NLRP11: variants seen among roughly 807,000 people sequenced by gnomAD.
NLRP11 encodes NLR family pyrin domain containing 11, also known as NACHT, LRR and PYD domains-containing protein 11.
Under a neutral mutation model 79.3 loss-of-function variants are expected in NLRP11, and 53 were observed. The ratio of observed to expected loss-of-function variants is 0.67; its 90% CI spans 0.54 to 0.84. The LOEUF is 0.84. Ranked by LOEUF, NLRP11 falls within the 40% of genes least tolerant of loss-of-function variation. The probability of loss-of-function intolerance (pLI) is 0.00; values close to 1 mark genes in which losing one functional copy is unlikely to be tolerated. For synonymous variants in NLRP11, 518 were observed against 462.6 expected, an observed-to-expected ratio of 1.12 and a Z score of -1.54; for missense variants, 1,264 against 1,255.0, an observed-to-expected ratio of 1.01 and a Z score of -0.11.
chr19:55,811,341 G>A (rs1199169559), intron 2 of NLRP11, among the ~76,000 whole-genome samples: 1 of 152,222 alleles, frequency 6.6e-6, no homozygotes, highest in Non-Finnish European at 1.5e-5. Flanking sequence ...TGAATTCCTA[G>A]AGGGGGATGA....
intron 3 of NLRP11, 66 bp downstream of exon 3, chr19:55,808,703 C>T: frequency 1.4e-6 from 2 of 1,459,670 alleles, no homozygotes; most frequent in Non-Finnish European, 1.8e-6. Flanking sequence ...TTCTGGTCAA[C>T]AAGCTCTAGA....
chr19:55,823,577 TG>T (rs1390993357), intron 1 of NLRP11, among the ~76,000 whole-genome samples: 14 of 143,222 alleles, frequency 9.8e-5, no homozygotes, highest in African/African-American at 3.8e-4. Context: ...AAGGAGCTGA[TG>T]GAGCTGAAAA....
At chr19:55,818,932 T>C (rs1981403128) in intron 1 of NLRP11, among the ~76,000 whole-genome samples, 1 of 152,068 alleles carries the variant, frequency 6.6e-6, no homozygotes, top group Admixed American at 6.6e-5. Context: ...CAACCAATTG[T>C]TTTAAACACA....
At chr19:55,792,506 G>T in intron 6 of NLRP11, 35 bp from the exon 7 acceptor site, 1 of 1,590,654 alleles carries the variant, frequency 6.3e-7, no homozygotes, top group Non-Finnish European at 8.6e-7. Context: ...GTGACAGTGT[G>T]AGCACCAGAG....
At chr19:55,789,809 G>A (rs1253624018) in intron 7 of NLRP11, among the ~76,000 whole-genome samples, 2 of 152,134 alleles carry the variant, frequency 1.3e-5, no homozygotes, top group Non-Finnish European at 2.9e-5. Flanking sequence ...ATCGAGAAGG[G>A]CTAAATACAT....
chr19:55,834,491 G>T (rs1017712931), upstream of NLRP11, among the ~76,000 whole-genome samples: 1 of 152,186 alleles, frequency 6.6e-6, no homozygotes, highest in African/African-American at 2.4e-5. Flanking sequence ...ACAACATCAG[G>T]AGTAGGCAGT....
At position 55,809,769 on chromosome 19, in the gene NLRP11, G is replaced by C; in HGVS notation, c.841C>G (p.Arg281Gly). ...AAGAACGTTTTTACATTATTCCCAC[G>C]TGTGGGCCTTGAGGAGATGAGGAAC... is the stretch of plus-strand genomic sequence containing the variant. The change falls in exon 3 of 10, where the codon CGT (arginine) becomes GGT (glycine). Residue 281 changes from arginine (R) to glycine (G), a missense_variant. Coordinates refer to ENST00000589093, the Ensembl canonical transcript of NLRP11. This position sits in a 1 kb window ranked among gnomAD's most constrained non-coding sequence, Gnocchi z 4.5. The C allele has an allele frequency of 1.2e-6, 2 of 1,614,056 alleles. No individual in the cohort carries two copies. The highest frequency in any genetic ancestry group is 1.3e-5 in the African/African-American group (1 of 75,032).
At chr19:55,812,031 G>T (rs543365631) in intron 2 of NLRP11, among the ~76,000 whole-genome samples, 1 of 150,966 alleles carries the variant, frequency 6.6e-6, no homozygotes, top group Non-Finnish European at 1.5e-5. Flanking sequence ...TAATAGATTT[G>T]TTAGCTTCAT....
In NLRP11 at chr19:55,810,348, C is replaced by T. The variant is rs769574621; in HGVS notation, c.272-10G>A. The stretch of plus-strand genomic sequence containing the variant: ...CATGCCTCCTGATTGCCTAATCCAG[C>T]GAGTACAGGGCAGAAAATACAGAAC... On this transcript the variant is annotated splice_polypyrimidine_tract_variant and intron_variant, in intron 2 of 9. Coordinates refer to ENST00000589093, the Ensembl canonical transcript of NLRP11. The T allele has an allele frequency of 8.8e-6, 14 of 1,597,808 alleles. No individual in the cohort carries two copies. Among genetic ancestry groups the T allele is most frequent in the African/African-American group, 4.0e-5 (3 of 74,468 alleles).
intron 4 of NLRP11, 122 bp downstream of exon 4, chr19:55,807,731 G>T (rs1482107155): frequency 8.0e-6 from 5 of 627,962 alleles, no homozygotes; most frequent in Middle Eastern, 2.6e-4. Context: ...TACAGAAGGA[G>T]CCTAGGCCCT....
At chr19:55,813,837 G>A (rs974364682) in intron 2 of NLRP11, among the ~76,000 whole-genome samples, 9 of 152,144 alleles carry the variant, frequency 5.9e-5, no homozygotes, top group African/African-American at 1.7e-4. Context: ...GGGTCACCAT[G>A]GAGGACACAG....
intron 4 of NLRP11, among the ~76,000 whole-genome samples, chr19:55,802,769 T>C (rs949812852): frequency 2.0e-5 from 3 of 152,216 alleles, no homozygotes; most frequent in African/African-American, 7.2e-5. Context: ...CCAACTATAC[T>C]ATAGGGCTAT....
At position 55,805,534 on chromosome 19, in the gene NLRP11, TTTTG is replaced by T. The variant is rs368785561; in HGVS notation, c.2003+2315_2003+2318del. Among the ~76,000 whole-genome samples, 176 of 129,442 alleles carry T rather than the reference TTTTG, an allele frequency of 1.4e-3. 1 individual carries two copies. Among genetic ancestry groups the T allele is most frequent in the African/African-American group, 6.5e-3 (166 of 25,548 alleles). 84.9% of individuals were successfully genotyped at this position (129,442 alleles called of 152,430 possible). A position where few individuals can be genotyped will look rare whatever the true frequency, so the allele number is the denominator to read the frequency against. On this transcript the variant is annotated intron_variant, in intron 4 of 9. Coordinates refer to ENST00000589093, the Ensembl canonical transcript of NLRP11. ...CATGTTGCAACAAAACTGTTTAAGG[TTTTG>T]TTTTTTTTTTTAAATACACACAATG... is the stretch of plus-strand genomic sequence containing the variant.
chr19:55,799,846 A>G (rs1437036085), intron 5 of NLRP11, among the ~76,000 whole-genome samples: 1 of 152,110 alleles, frequency 6.6e-6, no homozygotes, highest in Non-Finnish European at 1.5e-5. Context: ...AAGCTCTTGT[A>G]ATGCCAGCTA....
At chr19:55,797,151 T>A (rs1600179015) in intron 5 of NLRP11, among the ~76,000 whole-genome samples, 1 of 152,132 alleles carries the variant, frequency 6.6e-6, no homozygotes, top group South Asian at 2.1e-4. Context: ...TTCCTTAAAT[T>A]ATCCAGGAGT....
At chr19:55,835,711 A>C (rs2122972630), upstream of NLRP11, among the ~76,000 whole-genome samples, 1 of 148,642 alleles carries the variant, frequency 6.7e-6, no homozygotes, top group Non-Finnish European at 1.5e-5. Context: ...GGCCAGGCAC[A>C]GTGGCTCATG....
chr19:55,831,137 A>G (rs1365664042), intron 1 of NLRP11, among the ~76,000 whole-genome samples: 2 of 44,038 alleles, frequency 4.5e-5, no homozygotes, highest in Admixed American at 6.0e-4. Context: ...CCCACAACCA[A>G]CTGAGCGGAC....
At position 55,807,847 on chromosome 19, in the gene NLRP11, A is replaced by G; in HGVS notation, c.2003+6T>C. On this transcript the variant is annotated splice_donor_region_variant and intron_variant, in intron 4 of 9. Transcript: ENST00000589093. ...CCTCTAAGGCAGAGGTTGATATAGT[A>G]CTTACTTGAGTGTGCGAAGTTTACA... The G allele has an allele frequency of 6.3e-7, 1 of 1,599,360 alleles. No homozygotes were observed. The highest frequency in any genetic ancestry group is 8.6e-7 in the Non-Finnish European group (1 of 1,169,042).
At chr19:55,798,680 G>A (rs1979176478) in intron 5 of NLRP11, among the ~76,000 whole-genome samples, 1 of 152,014 alleles carries the variant, frequency 6.6e-6, no homozygotes, top group East Asian at 1.9e-4. Flanking sequence ...AAAGAGTTAA[G>A]TCTACCCTTG....
Sources: gnomAD v4.1 joint callset for allele counts (sites outside exome capture counted in the v4.1 genomes callset) on GRCh38, gnomAD v4.1.1 for gene constraint, Gnocchi (gnomAD v3.1) non-coding constraint, MANE v1.5 for transcripts, NCBI Gene and HGNC (gene_info 2026-07-23, HGNC 2026-07-21) for gene names.